Variants in ECHDC3 observed in about 807,000 individuals in gnomAD.
ECHDC3 encodes the protein enoyl-CoA hydratase domain-containing protein 3, mitochondrial.
In ECHDC3, 20 loss-of-function variants were observed where a neutral mutation model predicts 17.9. The ratio of observed to expected loss-of-function variants is 1.12; its 90% confidence interval spans 0.79 to 1.63. The LOEUF is 1.63. Ranked by LOEUF, ECHDC3 falls within the 40% of genes most tolerant of loss-of-function variation. The pLI is 0.00. For missense variants in ECHDC3, 407 were observed against 357.7 expected (o/e 1.14, Z -1.11); for synonymous variants, 177 against 149.7 (o/e 1.18, Z -1.33).
chr10:11,755,804 C>G, intron 4 of ECHDC3, 196 bp downstream of exon 4: 2 of 536,780 alleles, frequency 3.7e-6, no homozygotes, highest in Non-Finnish European at 6.5e-6. Context: ...CCTGCCTGTT[C>G]CTCTGTAGCT....
Position 11,755,420 on chromosome 10 carries a change from A to C in ECHDC3, c.403A>C (p.Ile135Leu). 1 of 1,611,540 alleles carries C rather than the reference A, an allele frequency of 6.2e-7. No homozygotes were observed. ...GTTTGTCCCGCAGGTCATGATGCAC[A>C]TCCGGAACCACCCCGTTCCCGTCAT... ...FQTCSKVMMHIRNHPVPVIAM... is the reference protein window; with the variant it reads ...FQTCSKVMMHLRNHPVPVIAM... Residue 135 changes from isoleucine to leucine, a missense_variant, in exon 4 of 5, where the codon ATC becomes CTC. Physicochemically the swap from Ile to Leu is conservative, Grantham distance 5 (BLOSUM62 2). Transcript: ENST00000379215.
chr10:11,753,897 C>T (rs2133791628), intron 3 of ECHDC3, among the ~76,000 whole-genome samples: 1 of 152,304 alleles, frequency 6.6e-6, no homozygotes. Flanking sequence ...GCCTCAGCCT[C>T]CCAAGTAGGC....
At chr10:11,746,995 C>T (rs901219133) in intron 1 of ECHDC3, among the ~76,000 whole-genome samples, 4 of 152,140 alleles carry the variant, frequency 2.6e-5, no homozygotes, top group Non-Finnish European at 5.9e-5. Context: ...ATTTCTCCAG[C>T]GCCTGCTATC....
intron 4 of ECHDC3, among the ~76,000 whole-genome samples, chr10:11,762,342 G>A (rs73582711): frequency 0.022 from 3,385 of 152,254 alleles, 141 homozygotes; most frequent in African/African-American, 0.077. Context: ...AGGGACCAGC[G>A]AGTCCGAGGA....
chr10:11,742,941 G>A (rs1164915870), intron 1 of ECHDC3, 195 bp downstream of exon 1: 2 of 535,202 alleles, frequency 3.7e-6, no homozygotes, highest in Non-Finnish European at 5.6e-6. Flanking sequence ...ACTGCCCGGG[G>A]CTCCAAAGCC....
Position 11,749,553 on chromosome 10 carries a change from C to T in ECHDC3, c.351C>T (p.Gly117=). 6.2e-7 allele frequency: 1 copy of T among 1,614,048 alleles called. No individual in the cohort carries two copies. The highest frequency in any genetic ancestry group is 8.5e-7 in the Non-Finnish European group (1 of 1,180,022). The part of the protein sequence containing the change: ...HDLKELTEEQ[G]RDYHAEVFQT... ...TAAAGGAGCTGACAGAGGAGCAAGGCCGTGATTACCATGCCGAAGTATTTC... is the reference window on the plus strand; with the variant it reads ...TAAAGGAGCTGACAGAGGAGCAAGGTCGTGATTACCATGCCGAAGTATTTC... Residue 117 remains glycine, a synonymous_variant, in exon 3 of 5, where the codon GGC becomes GGT. Transcript: ENST00000379215.
chr10:11,761,088 G>GT (rs1449839687), intron 4 of ECHDC3, among the ~76,000 whole-genome samples: 3 of 17,840 alleles, frequency 1.7e-4, no homozygotes, highest in East Asian at 4.1e-3. Context: ...CAGTGCATGT[G>GT]GGCTCCATCT....
intron 4 of ECHDC3, among the ~76,000 whole-genome samples, chr10:11,759,356 T>TAAAA (rs151106517): frequency 1.0e-4 from 13 of 127,372 alleles, no homozygotes; most frequent in African/African-American, 3.7e-4. Flanking sequence ...CTCCATCTCT[T>TAAAA]AAAAAAAAAA....
In ECHDC3 at chr10:11,742,535, C is replaced by T; in HGVS notation, c.-42C>T. On this transcript the variant is annotated 5_prime_UTR_variant, in exon 1 of 5. Transcript: ENST00000379215. Reference sequence around the variant, plus strand: ...CGGAGCGCCCAGCACCTGCGGCCGGCCAGGCAGCGCGATCCTGCGGCGTCT... The same window carrying T: ...CGGAGCGCCCAGCACCTGCGGCCGGTCAGGCAGCGCGATCCTGCGGCGTCT... The T allele has an allele frequency of 8.0e-7, 1 of 1,255,908 alleles. No homozygotes were observed. The highest frequency in any genetic ancestry group is 2.9e-5 in the South Asian group (1 of 34,938). The allele number at this position is 1,255,908 out of a possible 1,614,324, so 77.8% of individuals were successfully genotyped here. A position where few individuals can be genotyped will look rare whatever the true frequency, so the allele number is the denominator to read the frequency against.
intron 1 of ECHDC3, among the ~76,000 whole-genome samples, chr10:11,746,016 C>T (rs1832754900): frequency 6.6e-6 from 1 of 152,110 alleles, no homozygotes; most frequent in Non-Finnish European, 1.5e-5. Flanking sequence ...GTTTTGTAAA[C>T]TTACAGGATG....
intron 1 of ECHDC3, chr10:11,742,988 G>C: frequency 5.6e-6 from 2 of 357,696 alleles, no homozygotes; most frequent in Non-Finnish European, 9.8e-6. Context: ...GCCTCCAGTC[G>C]CTGGGCCTGC....
chr10:11,746,192 G>A (rs1264906944), intron 1 of ECHDC3, among the ~76,000 whole-genome samples: 3 of 152,118 alleles, frequency 2.0e-5, no homozygotes, highest in Admixed American at 6.5e-5. Context: ...GCTGGGTGTG[G>A]TGGCACACAC....
intron 3 of ECHDC3, among the ~76,000 whole-genome samples, chr10:11,750,708 A>G (rs935871851): frequency 6.6e-6 from 1 of 152,234 alleles, no homozygotes; most frequent in East Asian, 1.9e-4. Context: ...CTGAAAATCT[A>G]TTTGGGAAAC....
chr10:11,755,702 G>T, intron 4 of ECHDC3, 94 bp downstream of exon 4: 1 of 1,242,710 alleles, frequency 8.0e-7, no homozygotes, highest in South Asian at 1.4e-5. Flanking sequence ...CTTGTTAAAA[G>T]TGCCTTTCAT....
chr10:11,755,234 G>A, intron 3 of ECHDC3, 174 bp from the exon 4 acceptor site: 3 of 570,810 alleles, frequency 5.3e-6, no homozygotes, highest in Non-Finnish European at 9.0e-6. Context: ...GCTGAGGCAG[G>A]AGGATGGCTT....
At chr10:11,751,094 G>C (rs1213012912) in intron 3 of ECHDC3, among the ~76,000 whole-genome samples, 2 of 152,160 alleles carry the variant, frequency 1.3e-5, no homozygotes, top group African/African-American at 4.8e-5. Context: ...GCCAAGCCTT[G>C]GTGCTTTAAA....
At chr10:11,748,497 A>G (rs568239776) in intron 2 of ECHDC3, among the ~76,000 whole-genome samples, 1 of 91,502 alleles carries the variant, frequency 1.1e-5, no homozygotes, top group East Asian at 3.6e-4. Flanking sequence ...CTAATTTTTA[A>G]GGTTTTATTT....
At chr10:11,748,657 G>A (rs903950372) in intron 2 of ECHDC3, among the ~76,000 whole-genome samples, 6 of 152,144 alleles carry the variant, frequency 3.9e-5, no homozygotes, top group Non-Finnish European at 7.4e-5. Context: ...AGGCCAAGGC[G>A]GGCAGATCAC....
At position 11,763,027 on chromosome 10, in the gene ECHDC3, TCC is replaced by T. The variant is rs1024479254; in HGVS notation, c.592-194_592-193del. On this transcript the variant is annotated intron_variant, in intron 4 of 4. Coordinates refer to ENST00000379215, the MANE Select transcript of ECHDC3 (RefSeq NM_024693.5). The surrounding 1 kb of genome is among the most constrained non-coding windows in gnomAD (Gnocchi z 4.9). The stretch of plus-strand genomic sequence containing the variant: ...CAAGAGAACACGGGACAGCCACTGC[TCC>T]CCTGGGCCTGGTGTGGTTTCTTCGC... 1.3e-5 allele frequency among the ~76,000 whole-genome samples: 2 copies of T among 152,050 alleles called. No homozygotes were observed. The highest frequency in any genetic ancestry group is 4.8e-5 in the African/African-American group (2 of 41,392).
Sources: allele counts gnomAD v4.1 joint callset (sites outside exome capture counted in the v4.1 genomes callset), GRCh38; gene constraint gnomAD v4.1.1; non-coding constraint Gnocchi (gnomAD v3.1); transcripts MANE v1.5; gene names NCBI Gene and HGNC (gene_info 2026-07-23, HGNC 2026-07-21).